RAP1A: variants seen among roughly 807,000 people sequenced by gnomAD.
The protein encoded by RAP1A is ras-related protein Rap-1A.
A neutral mutation model predicts 26.4 loss-of-function variants in RAP1A; 6 were observed. That is an observed-to-expected ratio of 0.23 (90% CI 0.12 to 0.45). The LOEUF is 0.45. Ranked by LOEUF, RAP1A falls within the 20% of genes least tolerant of loss-of-function variation. RAP1A has a pLI of 0.99. For missense variants in RAP1A, 121 were observed against 217.2 expected (o/e 0.56, Z 2.78); for synonymous variants, 73 against 79.4 (o/e 0.92, Z 0.43).
chr1:111,645,649 A>C (rs775957166), intron 1 of RAP1A, among the ~76,000 whole-genome samples: 2 of 152,240 alleles, frequency 1.3e-5, no homozygotes, highest in Non-Finnish European at 2.9e-5. Context: ...TGTTGGGCGC[A>C]TAAATGATCT....
chr1:111,683,406 A>C (rs568642705), intron 1 of RAP1A, among the ~76,000 whole-genome samples: 1 of 152,026 alleles, frequency 6.6e-6, no homozygotes, highest in Non-Finnish European at 1.5e-5. Context: ...AGATTAACAA[A>C]ATAGACCACT....
At chr1:111,642,786 CTTTTT>C (rs11414021) in intron 1 of RAP1A, among the ~76,000 whole-genome samples, 1 of 119,496 alleles carries the variant, frequency 8.4e-6, no homozygotes, top group Non-Finnish European at 1.7e-5. Flanking sequence ...CGTGCCCAGC[CTTTTT>C]TTTTTTTTTT....
At chr1:111,583,468 T>C (rs946410450) in intron 1 of RAP1A, among the ~76,000 whole-genome samples, 2 of 92,008 alleles carry the variant, frequency 2.2e-5, no homozygotes, top group African/African-American at 1.2e-4. Context: ...AAGACCCCAT[T>C]CAAAAAAAAA....
At chr1:111,710,285 A>G (rs1376845117) in intron 7 of RAP1A, among the ~76,000 whole-genome samples, 3 of 152,192 alleles carry the variant, frequency 2.0e-5, no homozygotes, top group Non-Finnish European at 4.4e-5. Flanking sequence ...AGTTGACTTT[A>G]CCATTTTAGT....
At chr1:111,634,194 C>T (rs1197536941) in intron 1 of RAP1A, among the ~76,000 whole-genome samples, 1 of 152,290 alleles carries the variant, frequency 6.6e-6, no homozygotes, top group East Asian at 1.9e-4. Context: ...ATTTTAAAAA[C>T]ATTCAAATAT....
chr1:111,685,034 A>G (rs1462965131), intron 1 of RAP1A, among the ~76,000 whole-genome samples: 1 of 152,252 alleles, frequency 6.6e-6, no homozygotes, highest in Non-Finnish European at 1.5e-5. Context: ...CAATGGGGAA[A>G]GGATTCCTTA....
intron 1 of RAP1A, among the ~76,000 whole-genome samples, chr1:111,551,546 T>C (rs1252447930): frequency 6.6e-6 from 1 of 152,228 alleles, no homozygotes; most frequent in Non-Finnish European, 1.5e-5. Context: ...TTTATGCTGT[T>C]ACTGTCACAA....
chr1:111,666,484 A>G (rs1016483652), intron 1 of RAP1A, among the ~76,000 whole-genome samples: 1 of 152,198 alleles, frequency 6.6e-6, no homozygotes, highest in Non-Finnish European at 1.5e-5. Context: ...ATTTATAACA[A>G]CATGGTAGTC....
chr1:111,646,515 C>T (rs1660072625), intron 1 of RAP1A, among the ~76,000 whole-genome samples: 1 of 151,086 alleles, frequency 6.6e-6, no homozygotes, highest in African/African-American at 2.4e-5. Context: ...TGAATGAATG[C>T]ATCCATTGGA....
chr1:111,549,407 G>A (rs762444613), intron 1 of RAP1A, among the ~76,000 whole-genome samples: 10 of 150,214 alleles, frequency 6.7e-5, no homozygotes, highest in Non-Finnish European at 1.0e-4. Flanking sequence ...CCAGCACTTC[G>A]GGAGGCTGAG....
chr1:111,552,744 T>C (rs1045949453), intron 1 of RAP1A, among the ~76,000 whole-genome samples: 6 of 152,214 alleles, frequency 3.9e-5, no homozygotes, highest in Non-Finnish European at 7.3e-5. Flanking sequence ...TACCACTTCC[T>C]ACATGCATGA....
intron 1 of RAP1A, among the ~76,000 whole-genome samples, chr1:111,669,532 A>C (rs913563240): frequency 3.9e-5 from 6 of 152,236 alleles, no homozygotes; most frequent in African/African-American, 1.4e-4. Flanking sequence ...GAGCAATAAG[A>C]CATAAGAGCT....
chr1:111,643,796 TA>T (rs1659968035), intron 1 of RAP1A, among the ~76,000 whole-genome samples: 1 of 152,184 alleles, frequency 6.6e-6, no homozygotes, highest in South Asian at 2.1e-4. Flanking sequence ...TATAAGACCA[TA>T]CACACATTCA....
chr1:111,588,455 C>T lies in RAP1A; in HGVS notation c.-28+45946C>T, dbSNP rs1194303566. ...TTTAAAAATACTTCGATTGTTCTTC[C>T]GGTAGCTTTCAGGATGGAATTAAAA... is the stretch of plus-strand genomic sequence containing the variant. On this transcript the variant is annotated intron_variant, in intron 1 of 7. Coordinates refer to the RAP1A transcript ENST00000356415. 3.3e-5 allele frequency among the ~76,000 whole-genome samples: 5 copies of T among 152,136 alleles called. No homozygotes were observed. In the South Asian group the frequency reaches 6.2e-4, roughly 19 times the overall value.
At chr1:111,607,167 G>A (rs1254064728) in intron 1 of RAP1A, among the ~76,000 whole-genome samples, 5 of 151,032 alleles carry the variant, frequency 3.3e-5, no homozygotes, top group African/African-American at 7.3e-5. Flanking sequence ...AGGACCCTGC[G>A]GCCTTCCGCA....
chr1:111,664,469 C>G (rs1224235627), intron 1 of RAP1A, among the ~76,000 whole-genome samples: 3 of 151,508 alleles, frequency 2.0e-5, no homozygotes, highest in South Asian at 2.1e-4. Flanking sequence ...CTCAGGCCAC[C>G]TAGACTTTTT....
At chr1:111,696,044 T>C (rs1236018784) in intron 3 of RAP1A, among the ~76,000 whole-genome samples, 3 of 152,164 alleles carry the variant, frequency 2.0e-5, no homozygotes, top group Non-Finnish European at 4.4e-5. Context: ...GTGGGAAATC[T>C]CTGCACCTTC....
chr1:111,690,957 GCT>G (rs565215469), intron 1 of RAP1A, among the ~76,000 whole-genome samples: 137 of 152,284 alleles, frequency 9.0e-4, no homozygotes, highest in Admixed American at 3.1e-3. Context: ...TTATATTAAA[GCT>G]CATGAGTGAA....
chr1:111,684,144 T>C (rs1455739221), intron 1 of RAP1A, among the ~76,000 whole-genome samples: 1 of 152,116 alleles, frequency 6.6e-6, no homozygotes, highest in African/African-American at 2.4e-5. Context: ...ATAAACTAGG[T>C]ACTGATGGAA....
Sources: allele counts gnomAD v4.1 joint callset (sites outside exome capture counted in the v4.1 genomes callset), GRCh38; gene constraint gnomAD v4.1.1; transcripts MANE v1.5; gene names NCBI Gene and HGNC (gene_info 2026-07-23, HGNC 2026-07-21).